WDFY4: variants seen among roughly 807,000 people sequenced by gnomAD.
WDFY4 encodes WD repeat- and FYVE domain-containing protein 4.
In WDFY4, 169 loss-of-function variants were observed where a neutral mutation model predicts 351.9. That is an observed-to-expected ratio of 0.48 (90% CI 0.42 to 0.55). WDFY4 has a LOEUF of 0.55. Among genes scored for constraint, WDFY4 ranks in the 20% least tolerant of loss-of-function variants. The pLI is 0.00. For missense variants in WDFY4, 3,803 were observed against 3,935.6 expected (o/e 0.97, Z 0.90); for synonymous variants, 1,622 against 1,574.6 (o/e 1.03, Z -0.71).
intron 54 of WDFY4, among the ~76,000 whole-genome samples, chr10:48,965,506 T>C (rs7091429): frequency 0.52 from 79,143 of 152,002 alleles, 20,525 homozygotes; most frequent in Non-Finnish European, 0.54. Context: ...CCCAGTTTTT[T>C]TAAATAAGTT....
chr10:48,785,152 G>A (rs978836153), intron 19 of WDFY4, among the ~76,000 whole-genome samples: 2 of 152,058 alleles, frequency 1.3e-5, no homozygotes, highest in African/African-American at 2.4e-5. Flanking sequence ...GAGCCATTGC[G>A]CCTGGCCTTA....
At chr10:48,853,938 A>G (rs1483956633) in intron 39 of WDFY4, among the ~76,000 whole-genome samples, 1 of 152,244 alleles carries the variant, frequency 6.6e-6, no homozygotes, top group East Asian at 1.9e-4. Flanking sequence ...GCAGAACTTA[A>G]CAACAGGGAG....
chr10:48,849,654 G>T (rs1817548889), intron 39 of WDFY4, among the ~76,000 whole-genome samples: 1 of 152,090 alleles, frequency 6.6e-6, no homozygotes, highest in Non-Finnish European at 1.5e-5. Flanking sequence ...TTTTAATTTT[G>T]GGATACTTTC....
chr10:48,748,479 T>C (rs570422194), intron 12 of WDFY4, among the ~76,000 whole-genome samples: 2 of 152,268 alleles, frequency 1.3e-5, no homozygotes, highest in East Asian at 3.9e-4. Context: ...GTGTGTGTTC[T>C]TCCTGTTTTT....
At chr10:48,819,327 G>A (rs543873023) in intron 32 of WDFY4, among the ~76,000 whole-genome samples, 1 of 152,332 alleles carries the variant, frequency 6.6e-6, no homozygotes, top group East Asian at 1.9e-4. Context: ...CAGAAGGCTG[G>A]TGGCCAAAGG....
intron 17 of WDFY4, 107 bp from the exon 18 acceptor site, chr10:48,778,504 A>G: frequency 2.7e-6 from 3 of 1,110,596 alleles, no homozygotes; most frequent in South Asian, 3.0e-5. Flanking sequence ...TAGGCAAGAC[A>G]CCCAGTAGGT....
At chr10:48,755,462 T>C (rs941495642) in intron 12 of WDFY4, among the ~76,000 whole-genome samples, 1 of 152,194 alleles carries the variant, frequency 6.6e-6, no homozygotes, top group Non-Finnish European at 1.5e-5. Flanking sequence ...CCATGAAGAT[T>C]TTCTCCTATG....
intron 20 of WDFY4, among the ~76,000 whole-genome samples, chr10:48,788,037 T>TCTCCTC (rs1272714318): frequency 7.1e-6 from 1 of 140,572 alleles, no homozygotes. Flanking sequence ...TCCTTTTCCT[T>TCTCCTC]CTTCTTCTTC....
rs569863765 is a variant in WDFY4 at position 48,982,453 on chromosome 10, C to T, written c.9489-56C>T. The T allele has an allele frequency of 8.4e-5, 117 of 1,390,856 alleles. No homozygotes were observed. The African/African-American group carries it at 1.0e-3, about 12-fold the overall frequency. The allele number at this position is 1,390,856 out of a possible 1,614,324, so 86.2% of individuals were successfully genotyped here. ...AGAGTTGCAATATCCCATGTGCTGG[C>T]GGGGACAAGTGGTACTGTCCCTCTA... On this transcript the variant is annotated intron_variant, in intron 61 of 61. Transcript: ENST00000325239.
rs536983206 is a variant in WDFY4, at chr10:48,766,688, T to A, written c.2553+6248T>A. 9.2e-5 allele frequency among the ~76,000 whole-genome samples: 14 copies of A among 152,302 alleles called. No homozygotes were observed. The South Asian group carries it at 2.3e-3, about 25-fold the overall frequency. On this transcript the variant is annotated intron_variant, in intron 13 of 61. Transcript: ENST00000325239. Reference sequence around the variant, plus strand: ...AAAGCAAGCTTCCATGGATGTGGAATGGTGGTGTAAGTTAAAGTCAGATGG... The same window carrying A: ...AAAGCAAGCTTCCATGGATGTGGAAAGGTGGTGTAAGTTAAAGTCAGATGG...
intron 47 of WDFY4, among the ~76,000 whole-genome samples, chr10:48,922,531 T>C (rs1181134013): frequency 6.6e-6 from 1 of 152,216 alleles, no homozygotes; most frequent in African/African-American, 2.4e-5. Flanking sequence ...TTGAAATTGT[T>C]CTATTTTATG....
At chr10:48,798,733 T>G (rs1364169597) in intron 24 of WDFY4, among the ~76,000 whole-genome samples, 3 of 152,202 alleles carry the variant, frequency 2.0e-5, no homozygotes, top group African/African-American at 7.2e-5. Flanking sequence ...CTTTCTAGCT[T>G]CTTTAACGAG....
At chr10:48,951,440 G>T (rs910608464) in intron 51 of WDFY4, among the ~76,000 whole-genome samples, 1 of 152,024 alleles carries the variant, frequency 6.6e-6, no homozygotes, top group East Asian at 1.9e-4. Flanking sequence ...TTTGAGACAT[G>T]GTCTTGCTCT....
chr10:48,708,320 C>T (rs977574549), intron 1 of WDFY4, among the ~76,000 whole-genome samples: 1 of 152,198 alleles, frequency 6.6e-6, no homozygotes, highest in African/African-American at 2.4e-5. Context: ...GGCTAAACCC[C>T]ATTCTAGCCT....
At position 48,873,563 on chromosome 10, in the gene WDFY4, G is replaced by A. The variant is rs955269068; in HGVS notation, c.6814G>A (p.Gly2272Ser). The A allele has an allele frequency of 1.2e-5, 19 of 1,551,648 alleles. No homozygotes were observed. In the Admixed American group the frequency reaches 3.1e-4, roughly 26 times the overall value. The part of the protein sequence containing the change: ...RIQEQLFGEL[G>S]LWSQGEETKP... ...CCAGGAGCAGCTTTTTGGGGAGCTG[G>A]GCTTGTGGAGCCAGGGGGAAGAAAC... Residue 2272 changes from glycine to serine, a missense_variant, in exon 41 of 62, where the codon GGC becomes AGC. Transcript: ENST00000325239.
chr10:48,980,311 G>T (rs1420004990), intron 60 of WDFY4, among the ~76,000 whole-genome samples: 1 of 147,566 alleles, frequency 6.8e-6, no homozygotes, highest in Non-Finnish European at 1.5e-5. Context: ...GCTCAAAACT[G>T]CTTTGTTGGA....
At chr10:48,968,914 A>T in intron 55 of WDFY4, 150 bp from the exon 56 acceptor site, 1 of 743,248 alleles carries the variant, frequency 1.3e-6, no homozygotes, top group Non-Finnish European at 2.2e-6. Context: ...TCTGCCTGTC[A>T]CTCCTGCCCA....
intron 43 of WDFY4, among the ~76,000 whole-genome samples, chr10:48,888,013 G>A (rs896132447): frequency 6.6e-6 from 1 of 152,152 alleles, no homozygotes; most frequent in African/African-American, 2.4e-5. Context: ...TATCTAAGAT[G>A]AATTGTTAAG....
intron 47 of WDFY4, among the ~76,000 whole-genome samples, chr10:48,918,543 G>A (rs1838760367): frequency 6.6e-6 from 1 of 152,140 alleles, no homozygotes; most frequent in South Asian, 2.1e-4. Flanking sequence ...AAATGTGTAT[G>A]TACCTAACAG....
Sources: allele counts gnomAD v4.1 joint callset (sites outside exome capture counted in the v4.1 genomes callset), GRCh38; gene constraint gnomAD v4.1.1; transcripts MANE v1.5; gene names NCBI Gene and HGNC (gene_info 2026-07-23, HGNC 2026-07-21).